The following PXDNL variants were observed in gnomAD, a reference collection of about 807,000 sequenced individuals.
PXDNL encodes peroxidasin like.
A neutral mutation model predicts 150.8 loss-of-function variants in PXDNL; 145 were observed. The ratio of observed to expected loss-of-function variants is 0.96; its 90% CI spans 0.84 to 1.10. The LOEUF (loss-of-function observed/expected upper bound fraction) is 1.10, where lower values mean the gene tolerates loss of function less well. PXDNL is among the 50% of genes least tolerant of loss of function. PXDNL has a pLI of 0.00. For missense variants in PXDNL, 2,087 were observed against 1,873.9 expected (o/e 1.11, Z -2.10); for synonymous variants, 757 against 725.7 (o/e 1.04, Z -0.69).
chr8:51,520,690 A>G (rs1038906070), intron 4 of PXDNL, among the ~76,000 whole-genome samples: 4 of 152,148 alleles, frequency 2.6e-5, no homozygotes, highest in African/African-American at 9.7e-5. Context: ...TCCTGCCCTC[A>G]CAGCCAACAA....
At chr8:51,741,856 C>T (rs1363872693) in intron 1 of PXDNL, among the ~76,000 whole-genome samples, 1 of 152,176 alleles carries the variant, frequency 6.6e-6, no homozygotes, top group Non-Finnish European at 1.5e-5. Flanking sequence ...TAAATGTGTA[C>T]TTACCATTGA....
chr8:51,323,308 C>A (rs1441041432), intron 21 of PXDNL, among the ~76,000 whole-genome samples: 1 of 152,130 alleles, frequency 6.6e-6, no homozygotes, highest in African/African-American at 2.4e-5. Flanking sequence ...TTGAGACAGT[C>A]TCGCTCTGTC....
chr8:51,693,470 C>T (rs1816044753), intron 1 of PXDNL, among the ~76,000 whole-genome samples: 1 of 152,178 alleles, frequency 6.6e-6, no homozygotes, highest in Admixed American at 6.5e-5. Flanking sequence ...ATAAACTGTT[C>T]AATCTTTCAA....
intron 1 of PXDNL, among the ~76,000 whole-genome samples, chr8:51,801,852 T>G (rs1440521159): frequency 1.3e-5 from 2 of 152,212 alleles, no homozygotes; most frequent in African/African-American, 4.8e-5. Context: ...GGATATTAGT[T>G]GAACTGGTAA....
At chr8:51,441,948 C>A (rs1460803914) in intron 12 of PXDNL, among the ~76,000 whole-genome samples, 3 of 152,052 alleles carry the variant, frequency 2.0e-5, no homozygotes, top group Non-Finnish European at 4.4e-5. Context: ...GCAGAGCACC[C>A]TGATGACCAA....
chr8:51,639,257 C>T (rs1192276631), intron 2 of PXDNL, among the ~76,000 whole-genome samples: 1 of 152,162 alleles, frequency 6.6e-6, no homozygotes, highest in Non-Finnish European at 1.5e-5. Context: ...CAAGAAAGAT[C>T]TAAAACTGAC....
intron 21 of PXDNL, among the ~76,000 whole-genome samples, chr8:51,321,408 C>T (rs1346545673): frequency 6.6e-6 from 1 of 152,120 alleles, no homozygotes; most frequent in East Asian, 1.9e-4. Context: ...TAATAACGGT[C>T]TTTAGGAATC....
chr8:51,412,025 C>T lies in PXDNL; in HGVS notation c.1905-618G>A, dbSNP rs118117099. Among the ~76,000 whole-genome samples, 612 of 152,252 alleles carry T rather than the reference C, an allele frequency of 4.0e-3. 4 individuals are homozygous for T. Among genetic ancestry groups the T allele is most frequent in the South Asian group, 6.6e-3 (32 of 4,822 alleles). On this transcript the variant is annotated intron_variant, in intron 15 of 22. Transcript: ENST00000356297. ...ACTAGGTTGCTGATGAGATGTTGAC[C>T]TATTATTTATCTTGTATCCCAAATA...
intron 17 of PXDNL, among the ~76,000 whole-genome samples, chr8:51,377,765 T>C (rs545615674): frequency 1.0e-3 from 156 of 152,268 alleles, no homozygotes; most frequent in African/African-American, 3.5e-3. Context: ...GGGGCAGGGC[T>C]GAGGACCTGC....
At chr8:51,563,367 A>G (rs957142416) in intron 3 of PXDNL, among the ~76,000 whole-genome samples, 2 of 151,804 alleles carry the variant, frequency 1.3e-5, no homozygotes, top group Non-Finnish European at 2.9e-5. Flanking sequence ...GCAAGCCCCC[A>G]TGTCTCTTCC....
At chr8:51,544,190 T>C (rs1159618950) in intron 4 of PXDNL, among the ~76,000 whole-genome samples, 1 of 152,200 alleles carries the variant, frequency 6.6e-6, no homozygotes, top group Admixed American at 6.5e-5. Context: ...CATTTTAAAG[T>C]ATGATATGCT....
intron 21 of PXDNL, among the ~76,000 whole-genome samples, chr8:51,326,188 G>A (rs1247589444): frequency 1.3e-5 from 2 of 152,176 alleles, no homozygotes; most frequent in African/African-American, 2.4e-5. Flanking sequence ...TCCAGGGGTT[G>A]TAGCTGTCTA....
At chr8:51,455,196 C>T (rs1161068041) in intron 9 of PXDNL, among the ~76,000 whole-genome samples, 1 of 149,908 alleles carries the variant, frequency 6.7e-6, no homozygotes, top group African/African-American at 2.4e-5. Flanking sequence ...CGAGGTAAGT[C>T]AGTGGCAGTA....
At chr8:51,556,542 C>T (rs1048684959) in intron 4 of PXDNL, among the ~76,000 whole-genome samples, 5 of 152,084 alleles carry the variant, frequency 3.3e-5, no homozygotes, top group East Asian at 1.9e-4. Flanking sequence ...ACATGCACCA[C>T]GGAAATATGT....
intron 3 of PXDNL, among the ~76,000 whole-genome samples, chr8:51,581,726 GTC>G (rs1183116951): frequency 1.3e-5 from 2 of 152,010 alleles, no homozygotes; most frequent in Non-Finnish European, 2.9e-5. Flanking sequence ...AGCAATTCTG[GTC>G]TCATAAAAGC....
intron 19 of PXDNL, among the ~76,000 whole-genome samples, chr8:51,354,493 G>A (rs1454095645): frequency 6.6e-6 from 1 of 152,044 alleles, no homozygotes. Context: ...ATGTTAAAAT[G>A]TCAAGATTGT....
At chr8:51,361,983 A>G (rs1474004924) in intron 19 of PXDNL, among the ~76,000 whole-genome samples, 3 of 151,392 alleles carry the variant, frequency 2.0e-5, no homozygotes, top group Non-Finnish European at 4.4e-5. Flanking sequence ...AAAGAAAAAG[A>G]AAATGAGAAT....
intron 19 of PXDNL, among the ~76,000 whole-genome samples, chr8:51,362,164 G>C (rs983175967): frequency 6.6e-6 from 1 of 151,978 alleles, no homozygotes; most frequent in Non-Finnish European, 1.5e-5. Flanking sequence ...TTATTATTCT[G>C]CCCCAAAGGC....
At chr8:51,428,401 G>C (rs1362547849) in intron 12 of PXDNL, among the ~76,000 whole-genome samples, 4 of 152,160 alleles carry the variant, frequency 2.6e-5, no homozygotes, top group Non-Finnish European at 5.9e-5. Context: ...AACTAGAATA[G>C]CTAAATGTTT....
Sources: allele counts gnomAD v4.1 joint callset (sites outside exome capture counted in the v4.1 genomes callset), GRCh38; gene constraint gnomAD v4.1.1; transcripts MANE v1.5; gene names NCBI Gene and HGNC (gene_info 2026-07-23, HGNC 2026-07-21).